The following IFT80 variants were observed in gnomAD, a reference collection of about 807,000 sequenced individuals.
IFT80 encodes intraflagellar transport protein 80 homolog.
A neutral mutation model predicts 107.9 loss-of-function variants in IFT80; 79 were observed. The ratio of observed to expected loss-of-function variants is 0.73; its 90% confidence interval spans 0.61 to 0.88. The LOEUF (loss-of-function observed/expected upper bound fraction) is 0.88. IFT80 is among the 40% of genes least tolerant of loss of function. The pLI is 0.00. For missense variants in IFT80, 797 were observed against 914.2 expected (o/e 0.87, Z 1.65); for synonymous variants, 299 against 300.9 (o/e 0.99, Z 0.07).
At chr3:160,338,534 A>C (rs955229348) in intron 8 of IFT80, among the ~76,000 whole-genome samples, 2 of 150,828 alleles carry the variant, frequency 1.3e-5, no homozygotes, top group Non-Finnish European at 3.0e-5. Context: ...CAGGAGGCTG[A>C]GGTGGGAGGA....
chr3:160,394,591 T>A (rs866347339), intron 1 of IFT80, among the ~76,000 whole-genome samples: 2 of 152,098 alleles, frequency 1.3e-5, no homozygotes, highest in African/African-American at 2.4e-5. Context: ...GCTATACTTA[T>A]AATGAAAATT....
chr3:160,366,462 A>G, intron 5 of IFT80, among the ~76,000 whole-genome samples: 1 of 152,192 alleles, frequency 6.6e-6, no homozygotes, highest in South Asian at 2.1e-4. Flanking sequence ...GATAAAATAA[A>G]TATACTTCAT....
rs945175930 is a variant in IFT80 at position 160,337,624 on chromosome 3, CA to C, written c.778-17686del. On this transcript the variant is annotated intron_variant, in intron 8 of 19. Transcript: ENST00000326448. ...AGGTGACAGGGTGAGACTCTGTCTC[CA>C]AAAAAAAAAGGTAAGAATAGTTCTA... is the stretch of plus-strand genomic sequence containing the variant. Among the ~76,000 whole-genome samples the C allele has an allele frequency of 5.0e-3, 712 of 143,144 alleles. 2 individuals carry two copies. Among genetic ancestry groups the C allele is most frequent in the Non-Finnish European group, 8.8e-3 (575 of 65,006 alleles). The allele number at this position is 143,144 out of a possible 152,430, so 93.9% of individuals were successfully genotyped here.
chr3:160,294,608 A>G (rs1404138151), intron 12 of IFT80, among the ~76,000 whole-genome samples: 1 of 152,258 alleles, frequency 6.6e-6, no homozygotes, highest in Admixed American at 6.5e-5. Context: ...ATTAATTACT[A>G]ACAAGTGAGA....
At chr3:160,290,201 G>GT (rs1376378223) in intron 12 of IFT80, among the ~76,000 whole-genome samples, 1 of 152,010 alleles carries the variant, frequency 6.6e-6, no homozygotes, top group Non-Finnish European at 1.5e-5. Flanking sequence ...GAGGTTAGGA[G>GT]TTTGAGACCC....
intron 18 of IFT80, among the ~76,000 whole-genome samples, chr3:160,271,054 G>A (rs1713769937): frequency 6.6e-6 from 1 of 152,092 alleles, no homozygotes; most frequent in Non-Finnish European, 1.5e-5. Flanking sequence ...TAGATCCTAA[G>A]AATTATCTAT....
At chr3:160,391,228 C>T (rs1388503863) in intron 1 of IFT80, among the ~76,000 whole-genome samples, 3 of 152,098 alleles carry the variant, frequency 2.0e-5, no homozygotes, top group Non-Finnish European at 2.9e-5. Flanking sequence ...TTGGGCCATC[C>T]CAAGAACACT....
At chr3:160,341,552 C>A (rs932924437) in intron 8 of IFT80, among the ~76,000 whole-genome samples, 4 of 152,156 alleles carry the variant, frequency 2.6e-5, no homozygotes, top group Non-Finnish European at 5.9e-5. Context: ...TTAGACCAGG[C>A]ATGTGTACCA....
chr3:160,258,441 T>G lies in IFT80; in HGVS notation c.*84A>C. On this transcript the variant is annotated 3_prime_UTR_variant, in exon 20 of 20. Transcript: ENST00000326448. ...ATACTCGGTTAAAGATTATGCTTTT[T>G]TCTTTAGCAACCAAAACATGCTTAC... 1 of 1,567,248 alleles carries G rather than the reference T, an allele frequency of 6.4e-7. No homozygotes were observed. Among genetic ancestry groups the G allele is most frequent in the Non-Finnish European group, 8.7e-7 (1 of 1,145,928 alleles).
At chr3:160,283,882 T>A (rs982903776) in intron 13 of IFT80, among the ~76,000 whole-genome samples, 25 of 152,184 alleles carry the variant, frequency 1.6e-4, no homozygotes, top group African/African-American at 5.1e-4. Flanking sequence ...GTTCTATTCC[T>A]CCTGGGTTAC....
At chr3:160,296,736 A>G (rs778282016) in intron 12 of IFT80, among the ~76,000 whole-genome samples, 4 of 152,154 alleles carry the variant, frequency 2.6e-5, no homozygotes, top group Non-Finnish European at 5.9e-5. Context: ...TGGGTCACCA[A>G]TGACCCATAT....
intron 9 of IFT80, among the ~76,000 whole-genome samples, chr3:160,309,068 T>C (rs1717032155): frequency 6.6e-6 from 1 of 152,202 alleles, no homozygotes; most frequent in African/African-American, 2.4e-5. Context: ...ACCCAGATTA[T>C]GGTATTTTGT....
chr3:160,271,143 T>C (rs1713776266), intron 18 of IFT80, among the ~76,000 whole-genome samples: 1 of 152,176 alleles, frequency 6.6e-6, no homozygotes, highest in African/African-American at 2.4e-5. Context: ...AAATGATATG[T>C]GCTATTTTAA....
At chr3:160,324,545 C>T (rs1425948953) in intron 8 of IFT80, among the ~76,000 whole-genome samples, 8 of 152,132 alleles carry the variant, frequency 5.3e-5, no homozygotes, top group South Asian at 4.2e-4. Flanking sequence ...ATTATCTCAA[C>T]AGATGCAGAA....
intron 1 of IFT80, among the ~76,000 whole-genome samples, chr3:160,397,359 T>A (rs1310509057): frequency 3.3e-5 from 5 of 152,218 alleles, no homozygotes; most frequent in Non-Finnish European, 7.3e-5. Context: ...AAAAGCTGTT[T>A]CCTCCATATC....
chr3:160,361,654 A>G (rs1282050947), intron 6 of IFT80, among the ~76,000 whole-genome samples: 1 of 152,242 alleles, frequency 6.6e-6, no homozygotes, highest in Non-Finnish European at 1.5e-5. Context: ...AATGTAAAAG[A>G]ACAGAAATCA....
intron 9 of IFT80, 29 bp downstream of exon 9, chr3:160,319,731 G>C (rs773146285): frequency 6.3e-7 from 1 of 1,584,446 alleles, no homozygotes; most frequent in South Asian, 1.1e-5. Flanking sequence ...AAAGAAGCAG[G>C]TTTAATCAAC....
At chr3:160,267,033 A>G (rs1250692116) in intron 19 of IFT80, among the ~76,000 whole-genome samples, 3 of 152,110 alleles carry the variant, frequency 2.0e-5, no homozygotes, top group Non-Finnish European at 4.4e-5. Context: ...GCAGGTTCCA[A>G]ATGAAATCAA....
chr3:160,312,637 A>C (rs1408820372), intron 9 of IFT80, among the ~76,000 whole-genome samples: 12 of 55,006 alleles, frequency 2.2e-4, no homozygotes, highest in Non-Finnish European at 3.9e-4. Context: ...ATATATAATA[A>C]ATATATATTA....
Sources: gnomAD v4.1 joint callset for allele counts (sites outside exome capture counted in the v4.1 genomes callset) on GRCh38, gnomAD v4.1.1 for gene constraint, MANE v1.5 for transcripts, NCBI Gene and HGNC (gene_info 2026-07-23, HGNC 2026-07-21) for gene names.